NBAS: variants seen among roughly 807,000 people sequenced by gnomAD.
NBAS encodes the protein NBAS subunit of NRZ tethering complex.
A neutral mutation model predicts 302.5 loss-of-function variants in NBAS; 219 were observed. The ratio of observed to expected loss-of-function variants is 0.72; its 90% CI spans 0.65 to 0.81. NBAS has a LOEUF of 0.81. NBAS is among the 30% of genes least tolerant of loss of function. The pLI is 0.00. For missense variants in NBAS, 2,932 were observed against 2,841.6 expected, an observed-to-expected ratio of 1.03 and a Z score of -0.72; for synonymous variants, 1,118 against 1,021.6, an observed-to-expected ratio of 1.09 and a Z score of -1.80.
chr2:15,468,959 G>GT (rs1248786883), intron 16 of NBAS, among the ~76,000 whole-genome samples: 1 of 152,106 alleles, frequency 6.6e-6, no homozygotes, highest in African/African-American at 2.4e-5. Context: ...TCAAATTTCT[G>GT]TATTTATTTG....
chr2:14,871,974 A>G, the NBAS span, among the ~76,000 whole-genome samples: 1 of 152,152 alleles, frequency 6.6e-6, no homozygotes, highest in African/African-American at 2.4e-5. Context: ...CAAGACCCAA[A>G]TATATGCTGA....
At chr2:15,507,405 AAGCAGCAGC>A (rs35060629) in intron 10 of NBAS, among the ~76,000 whole-genome samples, 3 of 151,404 alleles carry the variant, frequency 2.0e-5, no homozygotes, top group Non-Finnish European at 2.9e-5. Flanking sequence ...TATATTGAAA[AAGCAGCAGC>A]AGCAGCAGCA....
At chr2:15,000,771 T>C in the NBAS span, among the ~76,000 whole-genome samples, 1 of 152,294 alleles carries the variant, frequency 6.6e-6, no homozygotes, top group Non-Finnish European at 1.5e-5. Flanking sequence ...GCAAAGCATT[T>C]GGGATGGCTC....
At chr2:15,257,188 G>T (rs1668636839) in intron 44 of NBAS, among the ~76,000 whole-genome samples, 1 of 152,010 alleles carries the variant, frequency 6.6e-6, no homozygotes, top group African/African-American at 2.4e-5. Context: ...GACTTTTTTG[G>T]TTGGCAATTT....
the NBAS span, among the ~76,000 whole-genome samples, chr2:15,122,918 T>C: frequency 6.6e-6 from 1 of 151,712 alleles, no homozygotes; most frequent in Non-Finnish European, 1.5e-5. Flanking sequence ...ATTCTGGGAT[T>C]TGCACTACAT....
At chr2:15,451,133 C>T (rs181851494) in intron 21 of NBAS, among the ~76,000 whole-genome samples, 32 of 152,184 alleles carry the variant, frequency 2.1e-4, no homozygotes, top group African/African-American at 7.5e-4. Flanking sequence ...CTGACTGTAA[C>T]CTTGAAATCC....
chr2:14,981,280 G>T, the NBAS span, among the ~76,000 whole-genome samples: 2 of 152,124 alleles, frequency 1.3e-5, no homozygotes, highest in Non-Finnish European at 2.9e-5. Context: ...CACATTCAAA[G>T]AACAAGAATC....
chr2:15,306,764 T>C (rs1205390702), intron 40 of NBAS, among the ~76,000 whole-genome samples: 1 of 99,078 alleles, frequency 1.0e-5, no homozygotes, highest in Non-Finnish European at 1.8e-5. Flanking sequence ...TGTGGAAATC[T>C]TTTTTTTTTT....
chr2:15,283,652 T>C (rs925075156), intron 42 of NBAS, among the ~76,000 whole-genome samples: 14 of 152,172 alleles, frequency 9.2e-5, no homozygotes, highest in Non-Finnish European at 2.1e-4. Flanking sequence ...TATTTCTTCA[T>C]AGCAGCGTGA....
the NBAS span, among the ~76,000 whole-genome samples, chr2:14,824,289 A>G: frequency 6.6e-6 from 1 of 152,334 alleles, no homozygotes; most frequent in South Asian, 2.1e-4. Context: ...AGGAGGTTAC[A>G]ATTGATTGAG....
the NBAS span, among the ~76,000 whole-genome samples, chr2:14,971,385 C>T: frequency 6.6e-6 from 1 of 152,030 alleles, no homozygotes; most frequent in Admixed American, 6.6e-5. Context: ...CATGGTGGCA[C>T]ACACCTGTAA....
chr2:14,810,197 G>A, the NBAS span, among the ~76,000 whole-genome samples: 1 of 152,194 alleles, frequency 6.6e-6, no homozygotes, highest in Non-Finnish European at 1.5e-5. Flanking sequence ...TGTTGGGAAG[G>A]CACAATTGGT....
chr2:14,892,367 C>T, the NBAS span, among the ~76,000 whole-genome samples: 1 of 152,114 alleles, frequency 6.6e-6, no homozygotes, highest in South Asian at 2.1e-4. Context: ...AAGCATAAAC[C>T]AAATTGGGTC....
At chr2:15,488,368 G>A (rs931648502) in intron 12 of NBAS, among the ~76,000 whole-genome samples, 6 of 152,042 alleles carry the variant, frequency 3.9e-5, no homozygotes, top group Non-Finnish European at 8.8e-5. Context: ...GTGCTACTCT[G>A]TCACTACATA....
chr2:15,498,991 G>A (rs560220918), intron 11 of NBAS, among the ~76,000 whole-genome samples: 5 of 149,142 alleles, frequency 3.4e-5, no homozygotes, highest in South Asian at 2.1e-4. Context: ...GCAGTGGCGC[G>A]ATTCTTGGCT....
chr2:15,315,110 A>G (rs988027867), intron 38 of NBAS, among the ~76,000 whole-genome samples: 13 of 152,214 alleles, frequency 8.5e-5, no homozygotes, highest in African/African-American at 3.1e-4. Flanking sequence ...ACTTGTCACA[A>G]TCTGTACAAT....
At chr2:15,457,931 A>T (rs1679322441) in intron 21 of NBAS, among the ~76,000 whole-genome samples, 1 of 152,188 alleles carries the variant, frequency 6.6e-6, no homozygotes, top group African/African-American at 2.4e-5. Context: ...GTAAACACAG[A>T]CCTGGGCTTC....
At chr2:15,415,858 C>T in intron 24 of NBAS, 139 bp from the exon 25 acceptor site, 1 of 865,654 alleles carries the variant, frequency 1.2e-6, no homozygotes, top group South Asian at 1.5e-5. Context: ...CTAAAACACA[C>T]AGTCCAGTTC....
the NBAS span, among the ~76,000 whole-genome samples, chr2:14,837,454 G>A: frequency 2.0e-5 from 3 of 151,640 alleles, no homozygotes; most frequent in Non-Finnish European, 4.4e-5. Flanking sequence ...ACTGTGTAGA[G>A]AATGCTGTTT....
Sources: gnomAD v4.1 joint callset for allele counts (sites outside exome capture counted in the v4.1 genomes callset) on GRCh38, gnomAD v4.1.1 for gene constraint, MANE v1.5 for transcripts, NCBI Gene and HGNC (gene_info 2026-07-23, HGNC 2026-07-21) for gene names.